The following FGD6 variants were observed in gnomAD, a reference collection of about 807,000 sequenced individuals.
FGD6 encodes the protein FYVE, RhoGEF and PH domain-containing protein 6.
Under a neutral mutation model 149.4 loss-of-function variants are expected in FGD6, and 90 were observed. The ratio of observed to expected loss-of-function variants is 0.60; its 90% CI spans 0.51 to 0.72. The LOEUF (loss-of-function observed/expected upper bound fraction) is 0.72, where lower values mean the gene tolerates loss of function less well. FGD6 is among the 30% of genes least tolerant of loss of function. The probability of loss-of-function intolerance (pLI) is 0.00; values close to 1 mark genes in which losing one functional copy is unlikely to be tolerated. For missense variants in FGD6, 1,437 were observed against 1,684.8 expected (o/e 0.85, Z 2.57); for synonymous variants, 527 against 584.0 (o/e 0.90, Z 1.41).
chr12:95,183,135 C>A (rs1881332181), intron 2 of FGD6, among the ~76,000 whole-genome samples: 1 of 152,372 alleles, frequency 6.6e-6, no homozygotes, highest in Middle Eastern at 3.4e-3. Flanking sequence ...ATCAGAAGGG[C>A]TCCAAATGGT....
chr12:95,215,981 T>G (rs1202193389), intron 1 of FGD6, among the ~76,000 whole-genome samples: 2 of 152,246 alleles, frequency 1.3e-5, no homozygotes, highest in East Asian at 3.8e-4. Context: ...GAAAATAATT[T>G]ACCTTATGTA....
intron 2 of FGD6, among the ~76,000 whole-genome samples, chr12:95,180,037 C>T (rs984096159): frequency 6.8e-6 from 1 of 147,376 alleles, no homozygotes; most frequent in African/African-American, 2.5e-5. Flanking sequence ...GAGATCCTGC[C>T]ATTGCACTCC....
In FGD6 at chr12:95,128,715, C is replaced by G. The variant is rs557785799; in HGVS notation, c.3082+6024G>C. On this transcript the variant is annotated intron_variant, in intron 8 of 20. Coordinates refer to ENST00000343958, the MANE Select transcript of FGD6 (RefSeq NM_018351.4). ...TTGGGCATGACCTCAAAGAGGAAGACTGTAAGCCCCATCAGGGCAGGGGCC... is the reference window on the plus strand; with the variant it reads ...TTGGGCATGACCTCAAAGAGGAAGAGTGTAAGCCCCATCAGGGCAGGGGCC... Among the ~76,000 whole-genome samples, 6 of 152,306 alleles carry G rather than the reference C, an allele frequency of 3.9e-5. No homozygotes were observed. The East Asian group carries it at 1.2e-3, about 29-fold the overall frequency.
At chr12:95,125,392 G>C (rs527848222) in intron 8 of FGD6, among the ~76,000 whole-genome samples, 2 of 152,268 alleles carry the variant, frequency 1.3e-5, no homozygotes, top group South Asian at 4.1e-4. Flanking sequence ...CAGCACTTTA[G>C]GAGGCTGAGG....
chr12:95,205,619 C>A (rs1209993732), intron 2 of FGD6, among the ~76,000 whole-genome samples: 2 of 152,178 alleles, frequency 1.3e-5, no homozygotes, highest in African/African-American at 4.8e-5. Flanking sequence ...AGCGAGATTA[C>A]CAAACAGGAC....
At chr12:95,108,003 C>G (rs944060232) in intron 11 of FGD6, among the ~76,000 whole-genome samples, 9 of 152,140 alleles carry the variant, frequency 5.9e-5, no homozygotes, top group African/African-American at 2.4e-5. Flanking sequence ...CAATCTCCCC[C>G]CTCCCTTCAT....
intron 3 of FGD6, among the ~76,000 whole-genome samples, chr12:95,167,662 C>T (rs1235932641): frequency 2.0e-5 from 3 of 148,446 alleles, no homozygotes; most frequent in Non-Finnish European, 4.5e-5. Context: ...GCAACCTCCG[C>T]AACCCGGGTT....
chr12:95,102,883 C>A (rs1878495546), intron 14 of FGD6, among the ~76,000 whole-genome samples: 1 of 152,186 alleles, frequency 6.6e-6, no homozygotes, highest in Non-Finnish European at 1.5e-5. Context: ...TCTGAGCCTC[C>A]ATTTTTCTAA....
intron 3 of FGD6, among the ~76,000 whole-genome samples, chr12:95,165,667 C>T (rs1483448143): frequency 6.6e-6 from 1 of 151,304 alleles, no homozygotes; most frequent in Non-Finnish European, 1.5e-5. Context: ...TGAGATGAGG[C>T]CTCCCTGTTG....
At chr12:95,169,795 G>C (rs147804323) in intron 3 of FGD6, among the ~76,000 whole-genome samples, 280 of 152,230 alleles carry the variant, frequency 1.8e-3, no homozygotes, top group Non-Finnish European at 3.2e-3. Context: ...TTTTCAAAGA[G>C]AGTCAGGATT....
At position 95,079,736 on chromosome 12, in the gene FGD6, C is replaced by T. The variant is rs1019171637; in HGVS notation, c.*1784G>A. 3.3e-5 allele frequency: 5 copies of T among 151,796 alleles called. No individual in the cohort carries two copies. Among genetic ancestry groups the T allele is most frequent in the South Asian group, 4.2e-4 (2 of 4,802 alleles). The allele number at this position is 151,796 out of a possible 1,614,324, so 9.4% of individuals were successfully genotyped here. ...TTCAAATGACTCCATGGCAAAAAATCGCCACAAAAAACTATAGCAGCCAAC... is the reference window on the plus strand; with the variant it reads ...TTCAAATGACTCCATGGCAAAAAATTGCCACAAAAAACTATAGCAGCCAAC... On this transcript the variant is annotated 3_prime_UTR_variant, in exon 21 of 21. Transcript: ENST00000343958.
chr12:95,208,872 C>T lies in FGD6; in HGVS notation c.2412G>A (p.Leu804=). Residue 804 remains leucine (L), a synonymous_variant, in exon 2 of 21, where the codon CTG becomes CTA. Transcript: ENST00000343958. The part of the protein sequence containing the change: ...EEPYEAPDGQ[L]QLGPRHQHSS... Reference sequence around the variant, plus strand: ...AATGCTGATGTCTGGGTCCAAGCTGCAGCTGGCCATCTGGAGCTTCATACG... The same window carrying T: ...AATGCTGATGTCTGGGTCCAAGCTGTAGCTGGCCATCTGGAGCTTCATACG... 1 of 1,613,578 alleles carries T rather than the reference C, an allele frequency of 6.2e-7. No homozygotes were observed. Among genetic ancestry groups the T allele is most frequent in the South Asian group, 1.1e-5 (1 of 91,034 alleles).
In FGD6 at chr12:95,080,950, A is replaced by C. The variant is rs1406746426; in HGVS notation, c.*570T>G. ...GTACCTAACAACAGAAATACTTTAG[A>C]TAATTTACTGAAATTTCAGTTCACA... On this transcript the variant is annotated 3_prime_UTR_variant, in exon 21 of 21. Transcript: ENST00000343958. 6.6e-6 allele frequency: 1 copy of C among 152,230 alleles called. No homozygotes were observed. Among genetic ancestry groups the C allele is most frequent in the African/African-American group, 2.4e-5 (1 of 41,468 alleles). The allele number at this position is 152,230 out of a possible 1,614,324, so 9.4% of individuals were successfully genotyped here.
At chr12:95,176,638 T>A (rs1433316826) in intron 2 of FGD6, among the ~76,000 whole-genome samples, 2 of 152,200 alleles carry the variant, frequency 1.3e-5, no homozygotes, top group African/African-American at 4.8e-5. Flanking sequence ...CATGCTAACA[T>A]CTACACATCT....
chr12:95,105,116 C>A (rs560742321), intron 13 of FGD6, 30 bp from the exon 14 acceptor site: 3 of 1,575,392 alleles, frequency 1.9e-6, no homozygotes, highest in Admixed American at 1.9e-5. Flanking sequence ...TTTGAGCCGA[C>A]TCATCCTACT....
At chr12:95,176,908 A>T (rs1322600648) in intron 2 of FGD6, among the ~76,000 whole-genome samples, 1 of 152,114 alleles carries the variant, frequency 6.6e-6, no homozygotes, top group Non-Finnish European at 1.5e-5. Context: ...AGCTCACTGC[A>T]ACCTCGCCTC....
chr12:95,148,052 A>G (rs1440231993), intron 5 of FGD6, among the ~76,000 whole-genome samples: 1 of 152,074 alleles, frequency 6.6e-6, no homozygotes, highest in Non-Finnish European at 1.5e-5. Context: ...CTGAACAATG[A>G]GCTTCATTCA....
At chr12:95,156,624 C>T (rs559218622) in intron 3 of FGD6, among the ~76,000 whole-genome samples, 2 of 152,114 alleles carry the variant, frequency 1.3e-5, no homozygotes, top group African/African-American at 2.4e-5. Flanking sequence ...ATTCTATTAC[C>T]TTGTGAAGCA....
At chr12:95,100,055 T>TCCCCCCCC (rs33962935) in intron 14 of FGD6, among the ~76,000 whole-genome samples, 7 of 129,186 alleles carry the variant, frequency 5.4e-5, no homozygotes, top group Non-Finnish European at 1.2e-4. Context: ...ACTTTTCTGA[T>TCCCCCCCC]CCCCCCCCCC....
Sources: allele counts gnomAD v4.1 joint callset (sites outside exome capture counted in the v4.1 genomes callset), GRCh38; gene constraint gnomAD v4.1.1; transcripts MANE v1.5; gene names NCBI Gene and HGNC (gene_info 2026-07-23, HGNC 2026-07-21).